MEGF9: variants seen among roughly 807,000 people sequenced by gnomAD.
MEGF9 encodes multiple EGF like domains 9.
A neutral mutation model predicts 46.8 loss-of-function variants in MEGF9; 6 were observed. The ratio of observed to expected loss-of-function variants is 0.13; its 90% CI spans 0.07 to 0.25. The LOEUF (loss-of-function observed/expected upper bound fraction) is 0.25. Among genes scored for constraint, MEGF9 ranks in the 10% least tolerant of loss-of-function variants. MEGF9 has a pLI of 1.00. For missense variants in MEGF9, 683 were observed against 792.4 expected (o/e 0.86, Z 1.66); for synonymous variants, 302 against 330.7 (o/e 0.91, Z 0.94).
At chr9:120,642,476 C>A (rs1250710777) in intron 2 of MEGF9, among the ~76,000 whole-genome samples, 2 of 152,162 alleles carry the variant, frequency 1.3e-5, no homozygotes, top group Admixed American at 1.3e-4. Context: ...CTGCTAAGAA[C>A]AAAATGGATG....
intron 1 of MEGF9, among the ~76,000 whole-genome samples, chr9:120,701,523 T>C (rs2043904908): frequency 1.3e-5 from 2 of 152,194 alleles, no homozygotes; most frequent in Non-Finnish European, 2.9e-5. Flanking sequence ...AGGTATCATA[T>C]AGAACAGCTG....
In MEGF9 at chr9:120,659,530, C is replaced by T. The variant is rs377147838; in HGVS notation, c.647G>A (p.Arg216His). 9.9e-6 allele frequency: 16 copies of T among 1,613,382 alleles called. No homozygotes were observed. The highest frequency in any genetic ancestry group is 5.0e-5 in the Admixed American group (3 of 59,926). Reference sequence around the variant, plus strand: ...ACACTGCCCTGTGGTCTGGTTGCAGCGATTCACATTCAGGCTTCCAACCAC... The same window carrying T: ...ACACTGCCCTGTGGTCTGGTTGCAGTGATTCACATTCAGGCTTCCAACCAC... ...CSVVGSLNVNRCNQTTGQCEC... is the reference protein window; with the variant it reads ...CSVVGSLNVNHCNQTTGQCEC... Residue 216 changes from arginine to histidine, a missense_variant, in exon 2 of 6, where the codon CGC becomes CAC. Transcript: ENST00000373930.
chr9:120,615,343 T>C (rs560568609), intron 3 of MEGF9, among the ~76,000 whole-genome samples: 3 of 150,350 alleles, frequency 2.0e-5, no homozygotes, highest in Non-Finnish European at 4.4e-5. Flanking sequence ...AATCCTTTAC[T>C]CCTACAGGGC....
intron 2 of MEGF9, among the ~76,000 whole-genome samples, chr9:120,636,585 C>T (rs2043575335): frequency 6.6e-6 from 1 of 152,184 alleles, no homozygotes; most frequent in Non-Finnish European, 1.5e-5. Flanking sequence ...TCAAATGTGA[C>T]ACATTTCCAG....
rs574390090 is a variant in MEGF9 at position 120,653,664 on chromosome 9, G to A, written c.803+5710C>T. 1.9e-4 allele frequency among the ~76,000 whole-genome samples: 29 copies of A among 152,240 alleles called. 1 individual carries two copies. The highest frequency in any genetic ancestry group is 6.0e-4 in the African/African-American group (25 of 41,570). ...TGGGATTACAGGCGTGGGCCACCGCGCCCGGCCTTTATTTTTTAATAATAT... is the reference window on the plus strand; with the variant it reads ...TGGGATTACAGGCGTGGGCCACCGCACCCGGCCTTTATTTTTTAATAATAT... On this transcript the variant is annotated intron_variant, in intron 2 of 5. Coordinates refer to ENST00000373930, the MANE Select transcript of MEGF9 (RefSeq NM_001080497.3).
intron 1 of MEGF9, among the ~76,000 whole-genome samples, chr9:120,678,709 A>C (rs1324744642): frequency 6.6e-6 from 1 of 152,120 alleles, no homozygotes. Flanking sequence ...CCTGGCCTGA[A>C]GTGATCCACC....
Position 120,624,021 on chromosome 9 carries a change from T to C in MEGF9, c.804-1266A>G, listed in dbSNP as rs560534344. On this transcript the variant is annotated intron_variant, in intron 2 of 5. Transcript: ENST00000373930. ...GTATTAGTTTCGAACACAAAATCAC[T>C]TAATAATATTGTGTAACCATAATAT... Among the ~76,000 whole-genome samples, 9 of 152,344 alleles carry C rather than the reference T, an allele frequency of 5.9e-5. No homozygotes were observed. In the East Asian group the frequency reaches 1.4e-3, roughly 23 times the overall value.
intron 1 of MEGF9, among the ~76,000 whole-genome samples, chr9:120,704,519 C>T (rs2043919850): frequency 6.6e-6 from 1 of 152,124 alleles, no homozygotes; most frequent in African/African-American, 2.4e-5. Flanking sequence ...ACCATTTATT[C>T]ATCATATAAA....
At chr9:120,612,865 T>A (rs1369726497) in intron 3 of MEGF9, among the ~76,000 whole-genome samples, 1 of 148,674 alleles carries the variant, frequency 6.7e-6, no homozygotes, top group Admixed American at 6.7e-5. Context: ...AATAGAAGAA[T>A]AGATAAATTG....
chr9:120,666,933 G>C (rs546421390), intron 1 of MEGF9, among the ~76,000 whole-genome samples: 15 of 152,246 alleles, frequency 9.9e-5, no homozygotes, highest in African/African-American at 3.1e-4. Flanking sequence ...GGGGCAGGAG[G>C]GAAGGGCTGA....
intron 2 of MEGF9, among the ~76,000 whole-genome samples, chr9:120,649,903 A>G (rs2043642372): frequency 6.6e-6 from 1 of 152,226 alleles, no homozygotes; most frequent in Non-Finnish European, 1.5e-5. Context: ...TATCCAATAC[A>G]GAATTTCTTT....
intron 2 of MEGF9, among the ~76,000 whole-genome samples, chr9:120,647,850 TTTAA>T (rs1228428265): frequency 6.6e-6 from 1 of 152,182 alleles, no homozygotes; most frequent in African/African-American, 2.4e-5. Flanking sequence ...ATCTGTACTC[TTTAA>T]TTAGTTATTA....
chr9:120,624,428 C>T (rs1226472934), intron 2 of MEGF9, among the ~76,000 whole-genome samples: 2 of 152,136 alleles, frequency 1.3e-5, no homozygotes, highest in East Asian at 3.9e-4. Context: ...GGGTTTTCCC[C>T]TGTTGCCCAG....
At chr9:120,634,912 G>C (rs1453862196) in intron 2 of MEGF9, among the ~76,000 whole-genome samples, 1 of 151,970 alleles carries the variant, frequency 6.6e-6, no homozygotes, top group East Asian at 1.9e-4. Flanking sequence ...AACAGTGAAT[G>C]TTACACTTTT....
chr9:120,709,894 CA>C, intron 1 of MEGF9, among the ~76,000 whole-genome samples: 1 of 151,742 alleles, frequency 6.6e-6, no homozygotes, highest in South Asian at 2.1e-4. Flanking sequence ...ACTAAAAATA[CA>C]AAAATTAGCC....
chr9:120,621,113 A>C (rs1455840361), intron 3 of MEGF9, among the ~76,000 whole-genome samples: 1 of 152,166 alleles, frequency 6.6e-6, no homozygotes, highest in Non-Finnish European at 1.5e-5. Context: ...AATTGGCTTT[A>C]GTTTTTAATG....
intron 1 of MEGF9, among the ~76,000 whole-genome samples, chr9:120,681,106 T>C (rs945363729): frequency 2.0e-5 from 3 of 152,094 alleles, no homozygotes; most frequent in Non-Finnish European, 2.9e-5. Flanking sequence ...GAAGGAGTCT[T>C]TCACCATAGC....
At chr9:120,642,181 G>A (rs1256920389) in intron 2 of MEGF9, among the ~76,000 whole-genome samples, 1 of 152,078 alleles carries the variant, frequency 6.6e-6, no homozygotes, top group Non-Finnish European at 1.5e-5. Context: ...GATTCTGTAT[G>A]TATACTCTTA....
intron 1 of MEGF9, among the ~76,000 whole-genome samples, chr9:120,669,364 A>G (rs2043738856): frequency 6.6e-6 from 1 of 152,194 alleles, no homozygotes. Flanking sequence ...ATAAAATTAG[A>G]GCTGGTCAAT....
Sources: allele counts gnomAD v4.1 joint callset (sites outside exome capture counted in the v4.1 genomes callset), GRCh38; gene constraint gnomAD v4.1.1; transcripts MANE v1.5; gene names NCBI Gene and HGNC (gene_info 2026-07-23, HGNC 2026-07-21).